Variants in ATG7 observed in about 807,000 individuals in gnomAD.
ATG7 encodes autophagy related 7.
ATG7 carries 70 observed loss-of-function variants against 82.4 expected under a neutral mutation model. The ratio of observed to expected loss-of-function variants is 0.85; its 90% CI spans 0.70 to 1.04. The LOEUF (loss-of-function observed/expected upper bound fraction) is 1.04, where lower values mean the gene tolerates loss of function less well. Among genes scored for constraint, ATG7 ranks in the 50% least tolerant of loss-of-function variants. ATG7 has a pLI of 0.00. For missense variants in ATG7, 792 were observed against 864.3 expected (o/e 0.92, Z 1.05); for synonymous variants, 287 against 313.0 (o/e 0.92, Z 0.88).
chr3:11,408,174 C>G (rs921717828), intron 19 of ATG7, among the ~76,000 whole-genome samples: 4 of 152,212 alleles, frequency 2.6e-5, no homozygotes, highest in Admixed American at 2.0e-4. Flanking sequence ...AATCATCTCT[C>G]AAGTTCAAAG....
At chr3:11,318,018 A>G (rs995512226) in intron 9 of ATG7, among the ~76,000 whole-genome samples, 5 of 152,364 alleles carry the variant, frequency 3.3e-5, no homozygotes, top group African/African-American at 1.2e-4. Flanking sequence ...ATTAAACATG[A>G]TAATGTGAAT....
At position 11,315,922 on chromosome 3, in the gene ATG7, G is replaced by A. The variant is rs369308907; in HGVS notation, c.678+429G>A. ...TTGTATTTTTAGTAGAGACAGAGAC[G>A]AGGTTTCACTATGTTGGCCAGGTTG... On this transcript the variant is annotated intron_variant, in intron 9 of 20. Transcript: ENST00000693202. 2.6e-5 allele frequency among the ~76,000 whole-genome samples: 4 copies of A among 152,056 alleles called. No homozygotes were observed. In the East Asian group the frequency reaches 5.8e-4, roughly 22 times the overall value.
At chr3:11,521,616 G>A (rs1215054397) in intron 20 of ATG7, among the ~76,000 whole-genome samples, 1 of 151,264 alleles carries the variant, frequency 6.6e-6, no homozygotes, top group African/African-American at 2.4e-5. Context: ...ACAGTGGCGC[G>A]ATATTGGCTC....
intron 20 of ATG7, among the ~76,000 whole-genome samples, chr3:11,466,935 G>A (rs2153007120): frequency 6.6e-6 from 1 of 152,258 alleles, no homozygotes; most frequent in Middle Eastern, 3.4e-3. Context: ...TTTGAGATCA[G>A]CCTGACTAAC....
chr3:11,295,589 C>T (rs1363325997), intron 3 of ATG7, among the ~76,000 whole-genome samples: 1 of 152,098 alleles, frequency 6.6e-6, no homozygotes, highest in Non-Finnish European at 1.5e-5. Flanking sequence ...AAAGCCACCA[C>T]CGCACTCCTT....
the ATG7 span, chr3:11,568,658 A>G: frequency 7.0e-6 from 11 of 1,562,398 alleles, no homozygotes; most frequent in Non-Finnish European, 9.5e-6. The surrounding 1 kb of genome is among the most constrained non-coding windows in gnomAD (Gnocchi z 5.9). Context: ...ATTGTTTTCC[A>G]GGCCCCGCTC....
chr3:11,306,116 G>T (rs539791208), intron 5 of ATG7, among the ~76,000 whole-genome samples: 3,921 of 152,266 alleles, frequency 0.026, 173 homozygotes, highest in African/African-American at 0.087. Context: ...CTTACTCTGA[G>T]GACTGTGAGG....
chr3:11,355,105 T>A (rs936997049), intron 14 of ATG7, among the ~76,000 whole-genome samples: 2 of 152,186 alleles, frequency 1.3e-5, no homozygotes, highest in African/African-American at 4.8e-5. Context: ...TTTGACTGAA[T>A]AGCGAGCTGT....
chr3:11,296,836 G>A (rs1345567599), intron 3 of ATG7, among the ~76,000 whole-genome samples: 1 of 151,984 alleles, frequency 6.6e-6, no homozygotes, highest in East Asian at 1.9e-4. Flanking sequence ...TCTGCTTCAC[G>A]GTGTCTTTCC....
chr3:11,428,529 T>C (rs1460820640), intron 20 of ATG7, among the ~76,000 whole-genome samples: 1 of 152,186 alleles, frequency 6.6e-6, no homozygotes, highest in African/African-American at 2.4e-5. Context: ...TTATGGCCAA[T>C]AGTTAGAGCC....
At chr3:11,396,753 G>C (rs138020281) in intron 19 of ATG7, among the ~76,000 whole-genome samples, 2 of 147,966 alleles carry the variant, frequency 1.4e-5, no homozygotes, top group Admixed American at 1.4e-4. Context: ...CCGCACTCCA[G>C]CCTGGGCTAC....
At position 11,368,642 on chromosome 3, in the gene ATG7, G is replaced by A. The variant is rs369408734; in HGVS notation, c.1875+3908G>A. 3.7e-4 allele frequency among the ~76,000 whole-genome samples: 56 copies of A among 151,316 alleles called. 1 individual carries two copies. The highest frequency in any genetic ancestry group is 1.3e-3 in the African/African-American group (55 of 41,138). On this transcript the variant is annotated intron_variant, in intron 18 of 20. Coordinates refer to ENST00000693202, the MANE Select transcript of ATG7 (RefSeq NM_001349232.2). ...CCCCGTCTCTACAAAAAATTAGCCAGGTGTGGTGGCACGCACCTGTGGGAG... is the reference window on the plus strand; with the variant it reads ...CCCCGTCTCTACAAAAAATTAGCCAAGTGTGGTGGCACGCACCTGTGGGAG...
chr3:11,543,394 T>C (rs1207310318), intron 20 of ATG7, among the ~76,000 whole-genome samples: 1 of 152,210 alleles, frequency 6.6e-6, no homozygotes. Context: ...TCTGTTTCCT[T>C]CTTGCTCCCA....
At chr3:11,474,890 A>G (rs1242200158) in intron 20 of ATG7, among the ~76,000 whole-genome samples, 3 of 152,094 alleles carry the variant, frequency 2.0e-5, no homozygotes, top group Non-Finnish European at 4.4e-5. Flanking sequence ...CGGAGCCAGT[A>G]TGGCAGCAGT....
chr3:11,443,391 G>A (rs181383979), intron 20 of ATG7, among the ~76,000 whole-genome samples: 240 of 152,198 alleles, frequency 1.6e-3, no homozygotes, highest in Non-Finnish European at 2.8e-3. Context: ...CCTTTTCTTC[G>A]TTGTTGTTTT....
chr3:11,309,986 C>A (rs1192506774), intron 7 of ATG7, among the ~76,000 whole-genome samples: 1 of 151,942 alleles, frequency 6.6e-6, no homozygotes, highest in Non-Finnish European at 1.5e-5. Context: ...CCAGCCTGGG[C>A]AACACCTTGT....
chr3:11,306,076 A>G (rs1411946229), intron 5 of ATG7, among the ~76,000 whole-genome samples: 2 of 152,244 alleles, frequency 1.3e-5, no homozygotes, highest in African/African-American at 2.4e-5. Flanking sequence ...CGTATTCAGA[A>G]TCAACTCCTC....
chr3:11,387,151 C>T (rs2078382349), intron 19 of ATG7, among the ~76,000 whole-genome samples: 1 of 152,186 alleles, frequency 6.6e-6, no homozygotes, highest in Non-Finnish European at 1.5e-5. Flanking sequence ...GAGATACATG[C>T]AGCCTTTTCT....
At chr3:11,389,466 T>A (rs1201288262) in intron 19 of ATG7, among the ~76,000 whole-genome samples, 4 of 131,916 alleles carry the variant, frequency 3.0e-5, no homozygotes, top group Admixed American at 8.2e-5. Context: ...TAACACAGAA[T>A]AAGCTACATG....
Sources: allele counts gnomAD v4.1 joint callset (sites outside exome capture counted in the v4.1 genomes callset), GRCh38; gene constraint gnomAD v4.1.1; non-coding constraint Gnocchi (gnomAD v3.1); transcripts MANE v1.5; gene names NCBI Gene and HGNC (gene_info 2026-07-23, HGNC 2026-07-21).